KCNQ5: variants seen among roughly 807,000 people sequenced by gnomAD.
KCNQ5 encodes the protein potassium voltage-gated channel subfamily KQT member 5.
A neutral mutation model predicts 98.2 loss-of-function variants in KCNQ5; 30 were observed. The observed-to-expected ratio is 0.31, with a 90% CI of 0.23 to 0.41. The LOEUF (loss-of-function observed/expected upper bound fraction) is 0.41, where lower values mean the gene tolerates loss of function less well. Among genes scored for constraint, KCNQ5 ranks in the 10% least tolerant of loss-of-function variants. KCNQ5 has a pLI of 1.00. For synonymous variants in KCNQ5, 458 were observed against 449.4 expected, an observed-to-expected ratio of 1.02 and a Z score of -0.24; for missense variants, 835 against 1,182.5, an observed-to-expected ratio of 0.71 and a Z score of 4.31.
chr6:72,696,205 G>A (rs1768488893), intron 1 of KCNQ5, among the ~76,000 whole-genome samples: 1 of 152,132 alleles, frequency 6.6e-6, no homozygotes, highest in African/African-American at 2.4e-5. Context: ...ATGAAAACCT[G>A]GAAGTAATTT....
intron 11 of KCNQ5, 86 bp downstream of exon 11, chr6:73,169,940 T>C (rs1777945076): frequency 1.2e-6 from 1 of 864,338 alleles, no homozygotes; most frequent in African/African-American, 1.7e-5. Flanking sequence ...TTTCTGCAGG[T>C]AAATATCCTG....
chr6:72,757,442 A>G (rs1173653991), intron 1 of KCNQ5, among the ~76,000 whole-genome samples: 2 of 152,202 alleles, frequency 1.3e-5, no homozygotes, highest in Admixed American at 6.5e-5. Flanking sequence ...ATGAATTTAA[A>G]ACGCTTAACT....
chr6:73,047,486 G>A (rs951102010), intron 3 of KCNQ5, among the ~76,000 whole-genome samples: 43 of 152,088 alleles, frequency 2.8e-4, no homozygotes, highest in African/African-American at 9.7e-5. Flanking sequence ...ATAAACTATC[G>A]GTAATTTAGA....
intron 1 of KCNQ5, among the ~76,000 whole-genome samples, chr6:72,790,984 T>C (rs1158224389): frequency 1.3e-5 from 2 of 152,092 alleles, no homozygotes; most frequent in African/African-American, 4.8e-5. Context: ...ATGGCACACA[T>C]GGGGGGAAAT....
At chr6:72,957,790 T>C (rs1444500079) in intron 1 of KCNQ5, among the ~76,000 whole-genome samples, 1 of 152,216 alleles carries the variant, frequency 6.6e-6, no homozygotes, top group African/African-American at 2.4e-5. Flanking sequence ...AATCACATCA[T>C]GGTCCTTTTT....
chr6:72,718,639 C>T (rs753305393), intron 1 of KCNQ5, among the ~76,000 whole-genome samples: 12 of 151,560 alleles, frequency 7.9e-5, no homozygotes, highest in African/African-American at 2.2e-4. Context: ...TTAGTAGAGA[C>T]GGGGTTTCAC....
intron 1 of KCNQ5, among the ~76,000 whole-genome samples, chr6:72,804,522 C>A (rs534501915): frequency 9.2e-5 from 14 of 152,060 alleles, no homozygotes; most frequent in South Asian, 4.1e-4. Context: ...CTTTATAGCC[C>A]GGTAGTACTC....
chr6:73,158,336 C>T (rs1478731612), intron 10 of KCNQ5, among the ~76,000 whole-genome samples: 2 of 149,692 alleles, frequency 1.3e-5, no homozygotes, highest in Non-Finnish European at 3.0e-5. Flanking sequence ...GGCGCGATCT[C>T]GGCTCACGCA....
At chr6:72,870,242 T>C (rs1414326932) in intron 1 of KCNQ5, among the ~76,000 whole-genome samples, 1 of 152,024 alleles carries the variant, frequency 6.6e-6, no homozygotes, top group East Asian at 1.9e-4. Flanking sequence ...CCTTGGGTGA[T>C]GTATTTGTCT....
chr6:72,712,644 G>A (rs16882726), intron 1 of KCNQ5, among the ~76,000 whole-genome samples: 41,494 of 151,926 alleles, frequency 0.27, 6,624 homozygotes, highest in African/African-American at 0.44. Flanking sequence ...GACAGTTGGG[G>A]AAAAATGTCA....
intron 2 of KCNQ5, among the ~76,000 whole-genome samples, chr6:73,025,623 C>CAAAAAAAAAAAAAAAAAAAAAAAA (rs58607159): frequency 2.1e-4 from 11 of 53,012 alleles, no homozygotes; most frequent in East Asian, 5.0e-4. Flanking sequence ...AACTCCATCT[C>CAAAAAAAAAAAAAAAAAAAAAAAA]AAAAAAAAAA....
intron 3 of KCNQ5, among the ~76,000 whole-genome samples, chr6:73,065,597 C>T (rs1773014345): frequency 6.6e-6 from 1 of 152,158 alleles, no homozygotes; most frequent in Non-Finnish European, 1.5e-5. Flanking sequence ...CTTTCCCTGC[C>T]GCTATCATAT....
chr6:72,876,784 C>G lies in KCNQ5; in HGVS notation c.399-127124C>G, dbSNP rs1349703102. On this transcript the variant is annotated intron_variant, in intron 1 of 13. Transcript: ENST00000370398. Reference sequence around the variant, plus strand: ...TATCACAGAAGCAAAATAACCATCTCAAACTGGCTGTTTAGTTAGAGATCA... The same window carrying G: ...TATCACAGAAGCAAAATAACCATCTGAAACTGGCTGTTTAGTTAGAGATCA... 2.0e-5 allele frequency among the ~76,000 whole-genome samples: 3 copies of G among 152,314 alleles called. No individual in the cohort carries two copies. The East Asian group carries it at 5.8e-4, about 29-fold the overall frequency.
At chr6:72,703,608 C>G (rs188941841) in intron 1 of KCNQ5, among the ~76,000 whole-genome samples, 1 of 152,150 alleles carries the variant, frequency 6.6e-6, no homozygotes, top group African/African-American at 2.4e-5. Flanking sequence ...TTCCTGTAAA[C>G]AAGCATTTGC....
intron 2 of KCNQ5, among the ~76,000 whole-genome samples, chr6:73,023,378 G>T (rs6919016): frequency 0.63 from 96,329 of 151,958 alleles, 34,652 homozygotes; most frequent in Non-Finnish European, 0.8. Context: ...ACCATCAGAA[G>T]GTACTGGAAA....
chr6:72,694,010 T>C (rs1158169582), intron 1 of KCNQ5, among the ~76,000 whole-genome samples: 1 of 152,198 alleles, frequency 6.6e-6, no homozygotes, highest in African/African-American at 2.4e-5. Flanking sequence ...ATTTAATTTT[T>C]TCCTATGGGC....
intron 2 of KCNQ5, among the ~76,000 whole-genome samples, chr6:73,034,027 A>G (rs990467908): frequency 6.6e-6 from 1 of 152,200 alleles, no homozygotes; most frequent in Non-Finnish European, 1.5e-5. Flanking sequence ...AAGAGACACA[A>G]TTCCGGAAGA....
At chr6:72,831,554 G>A (rs1174281749) in intron 1 of KCNQ5, among the ~76,000 whole-genome samples, 1 of 148,084 alleles carries the variant, frequency 6.8e-6, no homozygotes. Flanking sequence ...ACAGGAAGCG[G>A]AACATCACAC....
intron 1 of KCNQ5, among the ~76,000 whole-genome samples, chr6:72,862,682 C>T (rs1777818955): frequency 6.6e-6 from 1 of 151,994 alleles, no homozygotes; most frequent in Non-Finnish European, 1.5e-5. Flanking sequence ...GGCTGGAGTC[C>T]AGTGGTGCAA....
Sources: gnomAD v4.1 joint callset for allele counts (sites outside exome capture counted in the v4.1 genomes callset) on GRCh38, gnomAD v4.1.1 for gene constraint, MANE v1.5 for transcripts, NCBI Gene and HGNC (gene_info 2026-07-23, HGNC 2026-07-21) for gene names.